CLSTN1: variants seen among roughly 807,000 people sequenced by gnomAD.
CLSTN1 encodes calsyntenin 1, also known as calsyntenin-1.
Under a neutral mutation model 108.3 loss-of-function variants are expected in CLSTN1, and 28 were observed. The observed-to-expected ratio is 0.26, with a 90% CI of 0.19 to 0.35. The LOEUF is 0.35. CLSTN1 is among the 10% of genes least tolerant of loss of function. The pLI is 1.00. For synonymous variants in CLSTN1, 524 were observed against 534.9 expected (o/e 0.98, Z 0.28); for missense variants, 1,157 against 1,302.6 (o/e 0.89, Z 1.72).
At chr1:9,820,998 A>G (rs1655170237) in intron 1 of CLSTN1, among the ~76,000 whole-genome samples, 1 of 152,206 alleles carries the variant, frequency 6.6e-6, no homozygotes, top group Non-Finnish European at 1.5e-5. Flanking sequence ...ACATGGTTGC[A>G]TTTTTTAAAT....
Position 9,778,223 on chromosome 1 carries a change from A to AACACACACACAC in CLSTN1, c.92-4841_92-4830dup, listed in dbSNP as rs57372437. Among the ~76,000 whole-genome samples, 326 of 134,500 alleles carry AACACACACACAC rather than the reference A, an allele frequency of 2.4e-3. 4 individuals are homozygous for AACACACACACAC. The highest frequency in any genetic ancestry group is 5.4e-3 in the African/African-American group (194 of 36,050). 88.2% of individuals were successfully genotyped at this position (134,500 alleles called of 152,430 possible). The stretch of plus-strand genomic sequence containing the variant: ...GGTGGTGGTGTTATTTCTCCTCCCC[A>AACACACACACAC]ACACACACACACACACACACACACA... On this transcript the variant is annotated intron_variant, in intron 1 of 18. Transcript: ENST00000377298.
intron 1 of CLSTN1, chr1:9,781,194 G>A (rs1653225518): frequency 1.3e-6 from 1 of 791,186 alleles, no homozygotes; most frequent in East Asian, 2.4e-5. Flanking sequence ...AAGGAGCTTC[G>A]CAAGGCTACT....
chr1:9,747,859 C>T (rs373817890), intron 7 of CLSTN1, among the ~76,000 whole-genome samples: 66 of 151,940 alleles, frequency 4.3e-4, no homozygotes, highest in African/African-American at 1.4e-3. Flanking sequence ...CTGGCTAACA[C>T]GGTGAAACCC....
intron 11 of CLSTN1, 46 bp from the exon 12 acceptor site, chr1:9,736,088 A>G (rs201320931): frequency 6.2e-7 from 1 of 1,611,934 alleles, no homozygotes; most frequent in South Asian, 1.1e-5. Context: ...GCAACCCAGC[A>G]TCGCCCAACT....
chr1:9,767,249 T>C (rs1288853091), intron 2 of CLSTN1, among the ~76,000 whole-genome samples: 1 of 152,030 alleles, frequency 6.6e-6, no homozygotes, highest in Non-Finnish European at 1.5e-5. Flanking sequence ...CTGCGTAAGA[T>C]TGGAGAAGAG....
Position 9,744,512 on chromosome 1 carries a change from T to C in CLSTN1, c.1117A>G (p.Ile373Val). ...CTGACCGACACGACGCCATCCGGGA[T>C]CCTCACTGCCTGGGTGCCGTTGAAC... ...FEFNGTQAVRIPDGVVSVSPK... is the reference protein window; with the variant it reads ...FEFNGTQAVRVPDGVVSVSPK... The change falls in exon 8 of 19, where the codon ATC becomes GTC. Residue 373 changes from isoleucine to valine, a missense_variant. Physicochemically the swap from Ile to Val is conservative, Grantham distance 29. Coordinates refer to ENST00000377298, the MANE Select transcript of CLSTN1 (RefSeq NM_001009566.3). 1 of 1,612,940 alleles carries C rather than the reference T, an allele frequency of 6.2e-7. No homozygotes were observed. Among genetic ancestry groups the C allele is most frequent in the South Asian group, 1.1e-5 (1 of 91,026 alleles).
chr1:9,803,825 T>A lies in CLSTN1; in HGVS notation c.91+19818A>T, dbSNP rs573889387. Among the ~76,000 whole-genome samples, 66 of 151,968 alleles carry A rather than the reference T, an allele frequency of 4.3e-4. No homozygotes were observed. The East Asian group carries it at 4.5e-3, about 10-fold the overall frequency. On this transcript the variant is annotated intron_variant, in intron 1 of 18. Coordinates refer to ENST00000377298, the MANE Select transcript of CLSTN1 (RefSeq NM_001009566.3). ...TTAAAAAAAATTAAATAAAATTAAA[T>A]TTTTTTTAAAAAGTGTTTTACAATG...
chr1:9,737,266 G>C (rs200287067), intron 11 of CLSTN1, among the ~76,000 whole-genome samples: 1 of 148,236 alleles, frequency 6.7e-6, no homozygotes, highest in African/African-American at 2.5e-5. Flanking sequence ...GATGGGGGGG[G>C]AAGTCCCATG....
chr1:9,819,489 A>G (rs1331409961), intron 1 of CLSTN1, among the ~76,000 whole-genome samples: 1 of 152,192 alleles, frequency 6.6e-6, no homozygotes, highest in Non-Finnish European at 1.5e-5. Context: ...CATATTCTTC[A>G]TAACTAAAAC....
At chr1:9,804,424 A>G (rs376510506) in intron 1 of CLSTN1, among the ~76,000 whole-genome samples, 5 of 151,612 alleles carry the variant, frequency 3.3e-5, no homozygotes, top group East Asian at 1.9e-4. Context: ...CTGACTGCAC[A>G]TGGGAATGGA....
At position 9,773,393 on chromosome 1, in the gene CLSTN1, A is replaced by G. The variant is rs147465977; in HGVS notation, c.93T>C (p.Val31=). ...LCGGGVWAAR[V]NKHKPWLEPT... is the part of the protein sequence containing the mutation. ...GCTCCAGCCAGGGCTTGTGCTTGTT[A>G]ACTGTGTTTAAAACAAGAGAAAAAA... is the stretch of plus-strand genomic sequence containing the variant. Residue 31 remains valine, a splice_region_variant and synonymous_variant, in exon 2 of 19, where the codon GTT becomes GTC. Coordinates refer to ENST00000377298, the MANE Select transcript of CLSTN1 (RefSeq NM_001009566.3). The G allele has an allele frequency of 2.4e-4, 384 of 1,600,760 alleles. 1 individual carries two copies. The African/African-American group carries it at 4.7e-3, about 20-fold the overall frequency.
intron 3 of CLSTN1, 102 bp from the exon 4 acceptor site, chr1:9,755,411 C>G (rs1321354184): frequency 9.7e-7 from 1 of 1,026,084 alleles, no homozygotes; most frequent in Non-Finnish European, 1.4e-6. Flanking sequence ...TAAATGACAA[C>G]AATTTGGCAG....
chr1:9,735,476 C>T lies in CLSTN1; in HGVS notation c.1874G>A (p.Ser625Asn). The change falls in exon 13 of 19, where the codon AGC becomes AAC. Residue 625 changes from serine (S) to asparagine (N), a missense_variant. Transcript: ENST00000377298. ...TPGIRRLKIT[S>N]TIKCFNEATC... ...AAAAATCAGGACGTACTTGATTGTG[C>T]TGGTGATTTTGAGTCTGCGAATTCC... 6.2e-7 allele frequency: 1 copy of T among 1,614,180 alleles called. No individual in the cohort carries two copies. The highest frequency in any genetic ancestry group is 8.5e-7 in the Non-Finnish European group (1 of 1,180,030).
chr1:9,747,518 T>C (rs932514787), intron 7 of CLSTN1, among the ~76,000 whole-genome samples: 50 of 152,090 alleles, frequency 3.3e-4, no homozygotes, highest in Non-Finnish European at 8.8e-5. Context: ...TTGTTTTTTT[T>C]CTAAGACAAA....
intron 1 of CLSTN1, among the ~76,000 whole-genome samples, chr1:9,778,746 G>A (rs1175468642): frequency 6.6e-6 from 1 of 152,114 alleles, no homozygotes; most frequent in East Asian, 1.9e-4. Context: ...CGGATGCGGT[G>A]GCTCACGCCT....
rs1326877388 is a variant in CLSTN1 at position 9,796,295 on chromosome 1, CAAAAA to C, written c.92-22906_92-22902del. On this transcript the variant is annotated intron_variant, in intron 1 of 18. Transcript: ENST00000377298. ...AAAAAAAACAAAAAACAAAACAAAA[CAAAAA>C]AAAAAAAACAGGCATTTGACCTGGC... Among the ~76,000 whole-genome samples, 15 of 121,976 alleles carry C rather than the reference CAAAAA, an allele frequency of 1.2e-4. 1 individual carries two copies. The highest frequency in any genetic ancestry group is 1.9e-4 in the Non-Finnish European group (11 of 58,262). The allele number at this position is 121,976 out of a possible 152,430, so 80.0% of individuals were successfully genotyped here.
intron 1 of CLSTN1, among the ~76,000 whole-genome samples, chr1:9,789,789 G>A (rs1031306902): frequency 4.6e-5 from 7 of 151,358 alleles, no homozygotes; most frequent in Admixed American, 3.4e-4. Context: ...AATCAGCTAA[G>A]GCAACATGGC....
At chr1:9,742,379 G>A (rs543950882) in intron 9 of CLSTN1, among the ~76,000 whole-genome samples, 1 of 152,128 alleles carries the variant, frequency 6.6e-6, no homozygotes, top group Non-Finnish European at 1.5e-5. Context: ...AGTGAATAGG[G>A]GTAACAATGA....
At chr1:9,817,973 A>T (rs1655040866) in intron 1 of CLSTN1, among the ~76,000 whole-genome samples, 1 of 150,590 alleles carries the variant, frequency 6.6e-6, no homozygotes, top group African/African-American at 2.4e-5. Flanking sequence ...ATAGCCTCAA[A>T]ATGTCACTTT....
Sources: allele counts gnomAD v4.1 joint callset (sites outside exome capture counted in the v4.1 genomes callset), GRCh38; gene constraint gnomAD v4.1.1; transcripts MANE v1.5; gene names NCBI Gene and HGNC (gene_info 2026-07-23, HGNC 2026-07-21).